The following AMHR2 variants were observed in gnomAD, a reference collection of about 807,000 sequenced individuals.
AMHR2 encodes the protein anti-Muellerian hormone type-2 receptor.
A neutral mutation model predicts 61.4 loss-of-function variants in AMHR2; 36 were observed. That is an observed-to-expected ratio of 0.59 (90% confidence interval 0.45 to 0.77). The LOEUF (loss-of-function observed/expected upper bound fraction) is 0.77, where lower values mean the gene tolerates loss of function less well. Ranked by LOEUF, AMHR2 falls within the 30% of genes least tolerant of loss-of-function variation. The pLI is 0.00. For missense variants in AMHR2, 638 were observed against 714.6 expected, an observed-to-expected ratio of 0.89 and a Z score of 1.22; for synonymous variants, 258 against 279.4, an observed-to-expected ratio of 0.92 and a Z score of 0.76.
At chr12:53,424,995 C>T in intron 3 of AMHR2, 95 bp downstream of exon 3, 2 of 1,553,344 alleles carry the variant, frequency 1.3e-6, no homozygotes, top group South Asian at 1.1e-5. Context: ...ACTCCCGCCC[C>T]ACGCTTTCCT....
rs115409230 is a variant in AMHR2, at chr12:53,431,377, C to A, written c.1626C>A (p.Leu542=). ...DCTSIPAPTI[L]PCRPQRSACH... ...CTTCAATTCCTGCCCCTACCATCCT[C>A]CCCTGTAGGCCTCAGCGGAGTGCCT... Residue 542 remains leucine, a synonymous_variant, in exon 11 of 11, where the codon CTC becomes CTA. Coordinates refer to ENST00000257863, the MANE Select transcript of AMHR2 (RefSeq NM_020547.3). 248 of 1,614,242 alleles carry A rather than the reference C, an allele frequency of 1.5e-4. No individual in the cohort carries two copies. In the African/African-American group the frequency reaches 2.9e-3, roughly 19 times the overall value.
intron 6 of AMHR2, among the ~76,000 whole-genome samples, 156 bp downstream of exon 6, chr12:53,426,075 A>G (rs1481365022): frequency 2.6e-5 from 4 of 152,194 alleles, no homozygotes; most frequent in African/African-American, 9.6e-5. Flanking sequence ...CCACACCTGT[A>G]ATCCCAGGAC....
intron 6 of AMHR2, among the ~76,000 whole-genome samples, chr12:53,428,154 C>T (rs1368158803): frequency 6.6e-6 from 1 of 152,044 alleles, no homozygotes; most frequent in Non-Finnish European, 1.5e-5. Flanking sequence ...TGCTTTATGC[C>T]CCTTGGCACT....
rs201438098 is a variant in AMHR2 at position 53,431,187 on chromosome 12, G to A, written c.1436G>A (p.Gly479Glu). 8.6e-5 allele frequency: 139 copies of A among 1,614,048 alleles called. No homozygotes were observed. Among genetic ancestry groups the A allele is most frequent in the South Asian group, 1.1e-5 (1 of 91,092 alleles). The change falls in exon 11 of 11, where the codon GGG (glycine) becomes GAG (glutamate). Residue 479 changes from glycine (G) to glutamate (E), a missense_variant. Coordinates refer to ENST00000257863, the MANE Select transcript of AMHR2 (RefSeq NM_020547.3). ...TGTCATTCCCCCCAGGACCCTGATGGGCTGAGGGAGCTCCTAGAAGACTGT... is the reference window on the plus strand; with the variant it reads ...TGTCATTCCCCCCAGGACCCTGATGAGCTGAGGGAGCTCCTAGAAGACTGT... ...TWRCFATDPDGLRELLEDCWD... is the reference protein window; with the variant it reads ...TWRCFATDPDELRELLEDCWD...
rs1264192656 is a variant in AMHR2 at position 53,424,895 on chromosome 12, C to G, written c.419C>G (p.Ala140Gly). ...GTPGSQGPQA[A>G]PGESIWMALV... ...CCTGGCTCCCAGGGTCCCCAGGCTGCCCCAGGTAGCCACCCAAGGGTACTG... is the reference window on the plus strand; with the variant it reads ...CCTGGCTCCCAGGGTCCCCAGGCTGGCCCAGGTAGCCACCCAAGGGTACTG... Residue 140 changes from alanine to glycine, a missense_variant, in exon 3 of 11, where the codon GCC (alanine) becomes GGC (glycine). Coordinates refer to ENST00000257863, the MANE Select transcript of AMHR2 (RefSeq NM_020547.3). The G allele has an allele frequency of 1.9e-6, 3 of 1,610,702 alleles. No homozygotes were observed. The highest frequency in any genetic ancestry group is 1.7e-6 in the Non-Finnish European group (2 of 1,179,838).
Position 53,431,318 on chromosome 12 carries a change from C to CG in AMHR2, c.1568dup (p.Gly524TrpfsTer22). The CG allele has an allele frequency of 6.2e-7, 1 of 1,614,226 alleles. No individual in the cohort carries two copies. Among genetic ancestry groups the CG allele is most frequent in the Non-Finnish European group, 8.5e-7 (1 of 1,180,056 alleles). On this transcript the variant is annotated frameshift_variant, in exon 11 of 11. Transcript: ENST00000257863. LOFTEE classifies it low-confidence loss of function (END_TRUNC). The stretch of plus-strand genomic sequence containing the variant: ...CCACCCCTTTCCAGAGAGCTGTCCA[C>CG]GTGGCTGCCCACCTCTCTGCCCAGA...
rs764947789 is a variant in AMHR2, at chr12:53,425,817, A to G, written c.750A>G (p.Pro250=). The part of the protein sequence containing the change: ...FQAERALYEL[P]GLQHDHIVRF... ...CTGAGAGAGCATTGTACGAACTTCC[A>G]GGCCTACAGCACGACCACATTGTCC... The change falls in exon 6 of 11, where the codon CCA becomes CCG. Residue 250 remains proline (P), a synonymous_variant. Transcript: ENST00000257863. 8.1e-6 allele frequency: 13 copies of G among 1,614,112 alleles called. No individual in the cohort carries two copies. In the South Asian group the frequency reaches 1.2e-4, roughly 15 times the overall value.
At chr12:53,430,839 A>C in intron 10 of AMHR2, 1 of 431,406 alleles carries the variant, frequency 2.3e-6, no homozygotes, top group Non-Finnish European at 4.3e-6. Context: ...CCACGGCACA[A>C]GTCTTAGGTT....
At chr12:53,426,948 G>T (rs1234226673) in intron 6 of AMHR2, among the ~76,000 whole-genome samples, 1 of 143,798 alleles carries the variant, frequency 7.0e-6, no homozygotes, top group Non-Finnish European at 1.5e-5. Context: ...CCCCCAAAGT[G>T]CTGGGATTAC....
intron 9 of AMHR2, 49 bp from the exon 10 acceptor site, chr12:53,430,097 T>C (rs1297972345): frequency 6.2e-7 from 1 of 1,614,094 alleles, no homozygotes. Context: ...TTCTACATGG[T>C]AGGCACCCCT....
chr12:53,429,818 C>T lies in AMHR2; in HGVS notation c.1141-13C>T. 1 of 1,614,156 alleles carries T rather than the reference C, an allele frequency of 6.2e-7. No individual in the cohort carries two copies. The highest frequency in any genetic ancestry group is 8.5e-7 in the Non-Finnish European group (1 of 1,180,016). On this transcript the variant is annotated splice_polypyrimidine_tract_variant and intron_variant, in intron 8 of 10. Coordinates refer to ENST00000257863, the MANE Select transcript of AMHR2 (RefSeq NM_020547.3). Reference sequence around the variant, plus strand: ...CAGAGATGATTCTTGGCCCTTCGTGCCTTGCTCTCCAGGCTGGCACCCAGA... The same window carrying T: ...CAGAGATGATTCTTGGCCCTTCGTGTCTTGCTCTCCAGGCTGGCACCCAGA...
intron 6 of AMHR2, among the ~76,000 whole-genome samples, chr12:53,427,552 G>A (rs114055696): frequency 0.01 from 1,567 of 152,086 alleles, 22 homozygotes; most frequent in African/African-American, 0.035. Context: ...AAGGCGTGCC[G>A]CCACTACTCC....
intron 6 of AMHR2, among the ~76,000 whole-genome samples, chr12:53,426,362 G>T (rs545448390): frequency 6.8e-6 from 1 of 147,622 alleles, no homozygotes; most frequent in African/African-American, 2.5e-5. Context: ...GGTGGCAGAC[G>T]CCTGTAATCC....
Position 53,425,214 on chromosome 12 carries a change from C to G in AMHR2, c.474C>G (p.Leu158=). The change falls in exon 4 of 11, where the codon CTC becomes CTG. Residue 158 remains leucine (L), a synonymous_variant. Coordinates refer to ENST00000257863, the MANE Select transcript of AMHR2 (RefSeq NM_020547.3). Reference sequence around the variant, plus strand: ...TGCTGCTGGGGCTGTTCCTCCTCCTCCTGCTGCTGCTGGGCAGCATCATCT... The same window carrying G: ...TGCTGCTGGGGCTGTTCCTCCTCCTGCTGCTGCTGCTGGGCAGCATCATCT... ...ALVLLGLFLL[L]LLLLGSIILA... 2 of 1,613,894 alleles carry G rather than the reference C, an allele frequency of 1.2e-6. No homozygotes were observed. Among genetic ancestry groups the G allele is most frequent in the Non-Finnish European group, 8.5e-7 (1 of 1,180,016 alleles).
intron 6 of AMHR2, among the ~76,000 whole-genome samples, chr12:53,426,390 A>C (rs977991273): frequency 1.3e-5 from 2 of 152,140 alleles, no homozygotes. Flanking sequence ...TTGGGAGGCC[A>C]AGGTGTGAGG....
chr12:53,425,273 C>T (rs762932243), intron 4 of AMHR2, 31 bp downstream of exon 4: 33 of 1,611,948 alleles, frequency 2.0e-5, no homozygotes, highest in Non-Finnish European at 5.9e-6. Flanking sequence ...TCCCTTGTGA[C>T]CCCAAGACAT....
intron 9 of AMHR2, 39 bp from the exon 10 acceptor site, chr12:53,430,107 T>G (rs759880623): frequency 6.2e-7 from 1 of 1,614,056 alleles, no homozygotes; most frequent in Non-Finnish European, 8.5e-7. Context: ...TAGGCACCCC[T>G]AGGACTAACT....
chr12:53,424,487 A>C lies in AMHR2; in HGVS notation c.232+17A>C, dbSNP rs1238850348. On this transcript the variant is annotated intron_variant, in intron 2 of 10. Coordinates refer to ENST00000257863, the MANE Select transcript of AMHR2 (RefSeq NM_020547.3). ...AAATGCAAGGTGAATGGCAAAGTAT[A>C]TGGCAGGTGATGGCTAGGGTGGGAG... is the stretch of plus-strand genomic sequence containing the variant. The C allele has an allele frequency of 6.2e-7, 1 of 1,609,042 alleles. No homozygotes were observed. The highest frequency in any genetic ancestry group is 8.5e-7 in the Non-Finnish European group (1 of 1,177,792).
intron 8 of AMHR2, 81 bp from the exon 9 acceptor site, chr12:53,429,750 T>TG: frequency 3.1e-6 from 5 of 1,607,004 alleles, no homozygotes; most frequent in Non-Finnish European, 4.3e-6. Flanking sequence ...AGTCTGTAGT[T>TG]GGGGGGATAT....
Sources: allele counts gnomAD v4.1 joint callset (sites outside exome capture counted in the v4.1 genomes callset), GRCh38; gene constraint gnomAD v4.1.1; transcripts MANE v1.5; gene names NCBI Gene and HGNC (gene_info 2026-07-23, HGNC 2026-07-21).